Variants in FOXK2 observed in about 807,000 individuals in gnomAD.
The protein encoded by FOXK2 is forkhead box protein K2.
A neutral mutation model predicts 53.3 loss-of-function variants in FOXK2; 24 were observed. That is an observed-to-expected ratio of 0.45 (90% CI 0.33 to 0.63). The LOEUF is 0.63. Ranked by LOEUF, FOXK2 falls within the 30% of genes least tolerant of loss-of-function variation. FOXK2 has a pLI of 0.03. For synonymous variants in FOXK2, 505 were observed against 407.1 expected, an observed-to-expected ratio of 1.24 and a Z score of -2.89; for missense variants, 952 against 910.5, an observed-to-expected ratio of 1.05 and a Z score of -0.59.
chr17:82,589,086 T>A (rs1360805006), intron 8 of FOXK2, among the ~76,000 whole-genome samples: 3 of 152,166 alleles, frequency 2.0e-5, no homozygotes, highest in Non-Finnish European at 4.4e-5. Flanking sequence ...GTATCCTTTT[T>A]ATGTATTTAA....
intron 1 of FOXK2, among the ~76,000 whole-genome samples, chr17:82,530,445 T>TAAAA (rs919452670): frequency 5.1e-5 from 4 of 78,872 alleles, no homozygotes; most frequent in African/African-American, 1.4e-4. Flanking sequence ...AAACTCCATC[T>TAAAA]AAAAAAAAAA....
chr17:82,559,388 G>C (rs2044769013), intron 1 of FOXK2: 1 of 456,276 alleles, frequency 2.2e-6, no homozygotes, highest in African/African-American at 2.0e-5. Flanking sequence ...GCCCAGCAGA[G>C]ATGGCGGAGC....
At chr17:82,598,415 C>T (rs2045341977) in intron 8 of FOXK2, among the ~76,000 whole-genome samples, 1 of 152,122 alleles carries the variant, frequency 6.6e-6, no homozygotes, top group South Asian at 2.1e-4. Flanking sequence ...TCTGGGTCAT[C>T]CAGTCAACTT....
At chr17:82,568,389 G>A (rs747008934) in intron 3 of FOXK2, among the ~76,000 whole-genome samples, 188 bp downstream of exon 3, 4 of 152,216 alleles carry the variant, frequency 2.6e-5, no homozygotes, top group Non-Finnish European at 4.4e-5. Flanking sequence ...AAGTGTACTC[G>A]TTTAGTCATT....
At position 82,573,550 on chromosome 17, in the gene FOXK2, TCTCTCTCTCTCTCACACACA is replaced by T. The variant is rs2044944506; in HGVS notation, c.909+1682_909+1701del. ...TACACACACACACTCTCTCTCTCTC[TCTCTCTCTCTCTCACACACA>T]CACACACACACACACACACACACAC... On this transcript the variant is annotated intron_variant, in intron 4 of 8. Coordinates refer to ENST00000335255, the MANE Select transcript of FOXK2 (RefSeq NM_004514.4). Among the ~76,000 whole-genome samples, 4 of 106,346 alleles carry T rather than the reference TCTCTCTCTCTCTCACACACA, an allele frequency of 3.8e-5. No homozygotes were observed. In the South Asian group the frequency reaches 1.5e-3, roughly 39 times the overall value. The allele number at this position is 106,346 out of a possible 152,430, so 69.8% of individuals were successfully genotyped here. A position where few individuals can be genotyped will look rare whatever the true frequency, so the allele number is the denominator to read the frequency against.
intron 1 of FOXK2, among the ~76,000 whole-genome samples, chr17:82,525,465 T>C (rs895247627): frequency 6.6e-6 from 1 of 152,086 alleles, no homozygotes; most frequent in Non-Finnish European, 1.5e-5. Flanking sequence ...AGGCGTGAGC[T>C]ACTGCGCCCG....
At chr17:82,548,121 G>A (rs546263460) in intron 1 of FOXK2, among the ~76,000 whole-genome samples, 4 of 152,314 alleles carry the variant, frequency 2.6e-5, no homozygotes, top group South Asian at 2.1e-4. Context: ...GTGTGAACTG[G>A]TGCTCTCACT....
intron 8 of FOXK2, 38 bp from the exon 9 acceptor site, chr17:82,601,265 T>G: frequency 4.4e-6 from 7 of 1,589,466 alleles, no homozygotes; most frequent in Non-Finnish European, 6.0e-6. Flanking sequence ...AGGGTTCACG[T>G]GAGAGCGTGG....
At chr17:82,584,872 A>C (rs1172318005) in intron 6 of FOXK2, among the ~76,000 whole-genome samples, 2 of 152,220 alleles carry the variant, frequency 1.3e-5, no homozygotes, top group Non-Finnish European at 2.9e-5. Flanking sequence ...ATTTTAAGGA[A>C]TAGGTAAAAC....
At chr17:82,587,034 T>A (rs1425549797) in intron 7 of FOXK2, 29 bp from the exon 8 acceptor site, 6 of 1,602,008 alleles carry the variant, frequency 3.7e-6, no homozygotes, top group Non-Finnish European at 5.1e-6. Flanking sequence ...CCAGTAATAT[T>A]AATGTCGTTT....
chr17:82,523,561 T>C (rs755740200), intron 1 of FOXK2, among the ~76,000 whole-genome samples: 22 of 151,458 alleles, frequency 1.5e-4, no homozygotes, highest in Non-Finnish European at 1.3e-4. Context: ...CAACCTCCGC[T>C]TCCTGGGCTC....
At chr17:82,547,412 G>C (rs756972185) in intron 1 of FOXK2, among the ~76,000 whole-genome samples, 2 of 150,294 alleles carry the variant, frequency 1.3e-5, no homozygotes, top group Non-Finnish European at 3.0e-5. Context: ...TTATGAATTT[G>C]TATTGGGCCA....
At chr17:82,549,460 C>A (rs2044655669) in intron 1 of FOXK2, among the ~76,000 whole-genome samples, 1 of 152,150 alleles carries the variant, frequency 6.6e-6, no homozygotes, top group Non-Finnish European at 1.5e-5. Context: ...GGCCAAAACC[C>A]CCAAAATTAT....
intron 1 of FOXK2, among the ~76,000 whole-genome samples, chr17:82,555,728 CAAAAAAAA>C (rs369431923): frequency 1.6e-5 from 2 of 124,622 alleles, no homozygotes; most frequent in Admixed American, 1.7e-4. Flanking sequence ...ACTAAAAATA[CAAAAAAAA>C]AAAAAAATTG....
chr17:82,531,376 T>G (rs2044470787), intron 1 of FOXK2, among the ~76,000 whole-genome samples: 1 of 152,210 alleles, frequency 6.6e-6, no homozygotes, highest in Admixed American at 6.5e-5. Flanking sequence ...CTCCCACTTT[T>G]TTTTGTTTTT....
chr17:82,585,497 G>A (rs2045124884), intron 6 of FOXK2, among the ~76,000 whole-genome samples: 1 of 152,062 alleles, frequency 6.6e-6, no homozygotes, highest in African/African-American at 2.4e-5. Context: ...GTTAATATTT[G>A]TCGTAGAGAC....
At chr17:82,597,914 T>G (rs1227831773) in intron 8 of FOXK2, among the ~76,000 whole-genome samples, 1 of 152,022 alleles carries the variant, frequency 6.6e-6, no homozygotes, top group East Asian at 1.9e-4. Context: ...CCTCCCCAAG[T>G]GCTGGGATTA....
At chr17:82,535,944 G>A (rs1293613643) in intron 1 of FOXK2, among the ~76,000 whole-genome samples, 2 of 152,104 alleles carry the variant, frequency 1.3e-5, no homozygotes, top group Non-Finnish European at 2.9e-5. Context: ...GTTTCTCCAT[G>A]TTGGTCAGGC....
intron 1 of FOXK2, among the ~76,000 whole-genome samples, chr17:82,538,706 A>G (rs896169049): frequency 2.0e-5 from 3 of 152,040 alleles, no homozygotes; most frequent in Non-Finnish European, 4.4e-5. Context: ...CAAACTTAGG[A>G]TGCATCTTTC....
Sources: gnomAD v4.1 joint callset for allele counts (sites outside exome capture counted in the v4.1 genomes callset) on GRCh38, gnomAD v4.1.1 for gene constraint, MANE v1.5 for transcripts, NCBI Gene and HGNC (gene_info 2026-07-23, HGNC 2026-07-21) for gene names.